CALD1: variants seen among roughly 807,000 people sequenced by gnomAD.
CALD1 encodes the protein caldesmon.
A neutral mutation model predicts 99.9 loss-of-function variants in CALD1; 33 were observed. The ratio of observed to expected loss-of-function variants is 0.33; its 90% confidence interval spans 0.25 to 0.44. The LOEUF is 0.44. Among genes scored for constraint, CALD1 ranks in the 20% least tolerant of loss-of-function variants. CALD1 has a pLI of 1.00. For missense variants in CALD1, 861 were observed against 962.1 expected (o/e 0.89, Z 1.39); for synonymous variants, 310 against 325.0 (o/e 0.95, Z 0.50).
intron 3 of CALD1, among the ~76,000 whole-genome samples, chr7:134,886,915 A>C (rs914753771): frequency 2.6e-5 from 4 of 152,220 alleles, no homozygotes; most frequent in African/African-American, 9.6e-5. Flanking sequence ...CATCCCCCAC[A>C]GCACTTAGTG....
chr7:134,944,749 T>C (rs1488315549), intron 7 of CALD1, among the ~76,000 whole-genome samples: 1 of 152,196 alleles, frequency 6.6e-6, no homozygotes, highest in Non-Finnish European at 1.5e-5. Flanking sequence ...TACTTGCTAA[T>C]AAGTATTTAA....
intron 1 of CALD1, among the ~76,000 whole-genome samples, chr7:134,817,718 A>T (rs927217564): frequency 6.6e-6 from 1 of 152,194 alleles, no homozygotes; most frequent in African/African-American, 2.4e-5. Flanking sequence ...GAAAAAAATC[A>T]TCTGGGAAGG....
At chr7:134,750,808 G>C (rs1796679655) in intron 1 of CALD1, among the ~76,000 whole-genome samples, 1 of 151,616 alleles carries the variant, frequency 6.6e-6, no homozygotes. Flanking sequence ...TTCTGGTCAG[G>C]TGGCCTATAC....
chr7:134,911,069 T>C (rs111954198), intron 3 of CALD1, among the ~76,000 whole-genome samples: 2 of 152,202 alleles, frequency 1.3e-5, no homozygotes, highest in Non-Finnish European at 2.9e-5. Context: ...CCATCTCCTG[T>C]ATTTTTTTCT....
chr7:134,848,792 G>GCTAA (rs752332492), intron 2 of CALD1, among the ~76,000 whole-genome samples: 1 of 152,166 alleles, frequency 6.6e-6, no homozygotes, highest in African/African-American at 2.4e-5. Context: ...CGGGAATCTA[G>GCTAA]CTAACTGTCT....
intron 1 of CALD1, among the ~76,000 whole-genome samples, chr7:134,812,470 T>C (rs992235302): frequency 6.6e-6 from 1 of 151,908 alleles, no homozygotes. Flanking sequence ...TAGCTAGAAA[T>C]CGACAATATC....
At chr7:134,955,119 C>T (rs1807663760) in intron 9 of CALD1, among the ~76,000 whole-genome samples, 1 of 152,316 alleles carries the variant, frequency 6.6e-6, no homozygotes, top group Admixed American at 6.5e-5. Flanking sequence ...CAGTCAGGCA[C>T]AGTGGTTCAC....
chr7:134,764,559 T>C (rs1359182255), intron 1 of CALD1, among the ~76,000 whole-genome samples: 1 of 152,200 alleles, frequency 6.6e-6, no homozygotes, highest in Non-Finnish European at 1.5e-5. Flanking sequence ...ATTCATTAGC[T>C]ATCACTCAAC....
the CALD1 span, among the ~76,000 whole-genome samples, chr7:134,737,922 A>G: frequency 6.6e-6 from 1 of 152,226 alleles, no homozygotes; most frequent in Non-Finnish European, 1.5e-5. Flanking sequence ...GTAATTTTAA[A>G]AACCAAATTC....
At chr7:134,964,787 G>C (rs1470835020) in intron 13 of CALD1, among the ~76,000 whole-genome samples, 1 of 152,030 alleles carries the variant, frequency 6.6e-6, no homozygotes, top group African/African-American at 2.4e-5. Flanking sequence ...TTAAAATGAG[G>C]CTACATTATT....
At chr7:134,834,811 A>C (rs1799367647) in intron 1 of CALD1, among the ~76,000 whole-genome samples, 1 of 152,196 alleles carries the variant, frequency 6.6e-6, no homozygotes, top group Non-Finnish European at 1.5e-5. Context: ...AACATTCCAG[A>C]CATTTCAGTG....
intron 1 of CALD1, among the ~76,000 whole-genome samples, chr7:134,802,929 A>G (rs1226656455): frequency 1.3e-5 from 2 of 152,212 alleles, no homozygotes; most frequent in Non-Finnish European, 2.9e-5. Context: ...GGAATTGCTG[A>G]GTCTAATGTA....
chr7:134,711,682 G>A, the CALD1 span, among the ~76,000 whole-genome samples: 4,454 of 23,182 alleles, frequency 0.19, 167 homozygotes, highest in African/African-American at 0.26. Context: ...ATATATATAT[G>A]TGTGTGTGTG....
At chr7:134,771,905 T>C (rs1742965027) in intron 1 of CALD1, among the ~76,000 whole-genome samples, 1 of 152,122 alleles carries the variant, frequency 6.6e-6, no homozygotes, top group Non-Finnish European at 1.5e-5. Context: ...TCCCTATTCC[T>C]TTACTCTTTT....
chr7:134,844,622 AAGTTTTCTCAGGCT>A (rs2132170920), intron 2 of CALD1, among the ~76,000 whole-genome samples: 1 of 152,286 alleles, frequency 6.6e-6, no homozygotes, highest in East Asian at 1.9e-4. Flanking sequence ...GCCCCCATGC[AAGTTTTCTCAGGCT>A]ACCATAGTGA....
intron 1 of CALD1, among the ~76,000 whole-genome samples, chr7:134,806,650 A>G (rs1798150030): frequency 6.6e-6 from 1 of 152,202 alleles, no homozygotes; most frequent in Admixed American, 6.5e-5. Flanking sequence ...TATTGACCAA[A>G]AGTCTAAAGT....
rs1808833406 is a variant in CALD1 at position 134,968,398 on chromosome 7, A to C, written c.*53A>C. ...AGACGCAGGACGAGCTCAGTTGTAG[A>C]GGGCTAATTCGCTCTGTTTTGTATT... On this transcript the variant is annotated 3_prime_UTR_variant, in exon 15 of 15. Transcript: ENST00000361675. 6.4e-7 allele frequency: 1 copy of C among 1,551,498 alleles called. No individual in the cohort carries two copies. The highest frequency in any genetic ancestry group is 1.1e-5 in the South Asian group (1 of 89,678).
Position 134,891,492 on chromosome 7 carries a change from A to T in CALD1, c.71+23688A>T, listed in dbSNP as rs137987656. The T allele has an allele frequency of 2.3e-5, 32 of 1,389,042 alleles. 1 individual carries two copies. In the South Asian group the frequency reaches 5.1e-4, roughly 22 times the overall value. The allele number at this position is 1,389,042 out of a possible 1,614,324, so 86.0% of individuals were successfully genotyped here. A position where few individuals can be genotyped will look rare whatever the true frequency, so the allele number is the denominator to read the frequency against. On this transcript the variant is annotated intron_variant, in intron 3 of 14. Transcript: ENST00000361675. ...TGTTAACACAAAGGGAGAACACGGG[A>T]GCATCCTGCACCGTGCATTTCAGCC...
At chr7:134,770,693 A>G (rs1796869909) in intron 1 of CALD1, among the ~76,000 whole-genome samples, 1 of 152,140 alleles carries the variant, frequency 6.6e-6, no homozygotes, top group Non-Finnish European at 1.5e-5. Flanking sequence ...CAAAGACCCT[A>G]TTTCCAAATA....
Sources: allele counts gnomAD v4.1 joint callset (sites outside exome capture counted in the v4.1 genomes callset), GRCh38; gene constraint gnomAD v4.1.1; transcripts MANE v1.5; gene names NCBI Gene and HGNC (gene_info 2026-07-23, HGNC 2026-07-21).